Variants in CNTNAP5 observed in about 807,000 individuals in gnomAD.
CNTNAP5 encodes the protein contactin-associated protein-like 5.
CNTNAP5 carries 72 observed loss-of-function variants against 150.2 expected under a neutral mutation model. The observed-to-expected ratio is 0.48, with a 90% confidence interval of 0.40 to 0.58. The LOEUF is 0.58. Ranked by LOEUF, CNTNAP5 falls within the 20% of genes least tolerant of loss-of-function variation. CNTNAP5 has a pLI of 0.00. For synonymous variants in CNTNAP5, 672 were observed against 619.8 expected, an observed-to-expected ratio of 1.08 and a Z score of -1.25; for missense variants, 1,636 against 1,626.2, an observed-to-expected ratio of 1.01 and a Z score of -0.10.
intron 21 of CNTNAP5, among the ~76,000 whole-genome samples, chr2:124,880,267 T>C (rs1021804230): frequency 2.6e-5 from 4 of 152,182 alleles, no homozygotes; most frequent in Admixed American, 2.6e-4. Context: ...TCATTGCCAG[T>C]GATCAGTGTC....
chr2:124,336,275 T>G (rs543785878), intron 3 of CNTNAP5, among the ~76,000 whole-genome samples: 4 of 151,944 alleles, frequency 2.6e-5, no homozygotes, highest in South Asian at 2.1e-4. Context: ...GTCCAATTTT[T>G]GGGTCCTGCC....
intron 1 of CNTNAP5, among the ~76,000 whole-genome samples, chr2:124,094,874 G>A (rs1273724470): frequency 1.3e-5 from 2 of 152,108 alleles, no homozygotes; most frequent in Non-Finnish European, 2.9e-5. Flanking sequence ...GTCAGTGTGA[G>A]ACTATGGAAC....
At chr2:124,519,504 T>C (rs2104881237) in intron 8 of CNTNAP5, among the ~76,000 whole-genome samples, 1 of 152,256 alleles carries the variant, frequency 6.6e-6, no homozygotes, top group South Asian at 2.1e-4. Flanking sequence ...CAAAAGGAGC[T>C]CAGCTCCAGT....
intron 13 of CNTNAP5, among the ~76,000 whole-genome samples, chr2:124,653,506 T>C (rs913204374): frequency 1.3e-5 from 2 of 152,080 alleles, no homozygotes; most frequent in Non-Finnish European, 2.9e-5. Context: ...CATAATGCTA[T>C]ATACATTCAT....
intron 6 of CNTNAP5, among the ~76,000 whole-genome samples, chr2:124,472,619 T>G (rs1693542636): frequency 6.6e-6 from 1 of 151,506 alleles, no homozygotes; most frequent in Non-Finnish European, 1.5e-5. Flanking sequence ...TTGCAGGTAT[T>G]GTGGATTCCG....
At chr2:124,288,787 A>G (rs1688216093) in intron 3 of CNTNAP5, among the ~76,000 whole-genome samples, 1 of 152,148 alleles carries the variant, frequency 6.6e-6, no homozygotes, top group South Asian at 2.1e-4. Flanking sequence ...CCTGCAATGA[A>G]TGTTTAAGTT....
At chr2:124,339,219 C>T (rs191648360) in intron 3 of CNTNAP5, among the ~76,000 whole-genome samples, 49 of 152,284 alleles carry the variant, frequency 3.2e-4, no homozygotes, top group Non-Finnish European at 4.3e-4. Context: ...CTCTCTCTCC[C>T]ATTCCAACCT....
chr2:124,229,472 C>T (rs1686559529), intron 2 of CNTNAP5, among the ~76,000 whole-genome samples: 1 of 152,110 alleles, frequency 6.6e-6, no homozygotes, highest in Admixed American at 6.6e-5. Flanking sequence ...ACACTTCAGC[C>T]TTCATCTCAT....
At chr2:124,420,819 A>G (rs76723877) in intron 4 of CNTNAP5, among the ~76,000 whole-genome samples, 4,671 of 152,266 alleles carry the variant, frequency 0.031, 123 homozygotes, top group South Asian at 0.12. Context: ...CCACAATTGT[A>G]TAAGCCAATT....
At chr2:124,204,813 G>A (rs1685822343) in intron 1 of CNTNAP5, among the ~76,000 whole-genome samples, 1 of 151,974 alleles carries the variant, frequency 6.6e-6, no homozygotes, top group Non-Finnish European at 1.5e-5. Context: ...CCTGATTATG[G>A]GGAGCTACAA....
intron 13 of CNTNAP5, among the ~76,000 whole-genome samples, chr2:124,698,407 C>CACACACACAT (rs55958089): frequency 6.9e-6 from 1 of 145,640 alleles, no homozygotes. Flanking sequence ...CACACACACA[C>CACACACACAT]GTTTGCTTAT....
chr2:124,325,261 G>C (rs889160068), intron 3 of CNTNAP5, among the ~76,000 whole-genome samples: 27 of 152,132 alleles, frequency 1.8e-4, no homozygotes, highest in African/African-American at 6.5e-4. Flanking sequence ...AAACCTGCTG[G>C]TGTCTTAATC....
chr2:124,441,625 T>C (rs1020964338), intron 5 of CNTNAP5, among the ~76,000 whole-genome samples: 2 of 152,054 alleles, frequency 1.3e-5, no homozygotes, highest in Non-Finnish European at 2.9e-5. Flanking sequence ...TTTATAAATA[T>C]CATTTTGATG....
chr2:124,357,964 G>A (rs1183428972), intron 3 of CNTNAP5, among the ~76,000 whole-genome samples: 1 of 149,948 alleles, frequency 6.7e-6, no homozygotes, highest in African/African-American at 2.4e-5. Flanking sequence ...CCATTTGTTT[G>A]TATCCTCTTT....
At chr2:124,838,145 G>C (rs1682867932) in intron 19 of CNTNAP5, among the ~76,000 whole-genome samples, 1 of 152,082 alleles carries the variant, frequency 6.6e-6, no homozygotes, top group South Asian at 2.1e-4. Flanking sequence ...GATAATAATT[G>C]CAAGAATAGT....
chr2:124,034,056 G>A (rs1681138118), intron 1 of CNTNAP5, among the ~76,000 whole-genome samples: 1 of 152,116 alleles, frequency 6.6e-6, no homozygotes, highest in Admixed American at 6.5e-5. Flanking sequence ...TTTTGCCCAG[G>A]CTGAAACCCT....
At chr2:124,610,110 A>C (rs1417935006) in intron 12 of CNTNAP5, among the ~76,000 whole-genome samples, 190 bp downstream of exon 12, 1 of 152,246 alleles carries the variant, frequency 6.6e-6, no homozygotes, top group African/African-American at 2.4e-5. Context: ...GAGACAGAAA[A>C]AAGAAAACTT....
chr2:124,695,421 C>T (rs77841222), intron 13 of CNTNAP5, among the ~76,000 whole-genome samples: 6,619 of 152,184 alleles, frequency 0.043, 201 homozygotes, highest in South Asian at 0.093. Context: ...GTTTCACAGC[C>T]AATTCACAAA....
chr2:124,609,318 G>A (rs1486200288), intron 11 of CNTNAP5, among the ~76,000 whole-genome samples: 2 of 152,206 alleles, frequency 1.3e-5, no homozygotes, highest in African/African-American at 4.8e-5. Context: ...GCTGGGCCTG[G>A]CGGATCATGC....
Sources: gnomAD v4.1 joint callset for allele counts (sites outside exome capture counted in the v4.1 genomes callset) on GRCh38, gnomAD v4.1.1 for gene constraint, MANE v1.5 for transcripts, NCBI Gene and HGNC (gene_info 2026-07-23, HGNC 2026-07-21) for gene names.